Variants in CHRM5 observed in about 807,000 individuals in gnomAD.
The protein encoded by CHRM5 is cholinergic receptor muscarinic 5.
CHRM5 carries 18 observed loss-of-function variants against 39.0 expected under a neutral mutation model. The observed-to-expected ratio is 0.46, with a 90% CI of 0.32 to 0.68. The LOEUF is 0.68. CHRM5 is among the 30% of genes least tolerant of loss of function. CHRM5 has a pLI of 0.04. For missense variants in CHRM5, 515 were observed against 651.1 expected (o/e 0.79, Z 2.28); for synonymous variants, 241 against 246.3 (o/e 0.98, Z 0.20).
intron 1 of CHRM5, among the ~76,000 whole-genome samples, chr15:34,044,048 T>G (rs1899589605): frequency 6.6e-6 from 1 of 151,914 alleles, no homozygotes; most frequent in Non-Finnish European, 1.5e-5. Context: ...TAATGAATCA[T>G]TCACATTAGC....
At chr15:34,045,355 C>T (rs1274098244) in intron 1 of CHRM5, among the ~76,000 whole-genome samples, 2 of 152,152 alleles carry the variant, frequency 1.3e-5, no homozygotes, top group African/African-American at 2.4e-5. Context: ...CTTCAGTCAG[C>T]AATTTGATTC....
At chr15:34,046,050 T>C (rs1899669592) in intron 1 of CHRM5, among the ~76,000 whole-genome samples, 1 of 152,036 alleles carries the variant, frequency 6.6e-6, no homozygotes, top group Admixed American at 6.6e-5. Context: ...GTTTGAGTAA[T>C]CAGGGAAGAG....
intron 1 of CHRM5, among the ~76,000 whole-genome samples, chr15:33,996,454 C>T (rs992888593): frequency 3.3e-5 from 5 of 152,226 alleles, no homozygotes; most frequent in Admixed American, 6.5e-5. Context: ...CTCATACAGG[C>T]GGGTGCCCCT....
intron 1 of CHRM5, chr15:34,038,905 C>G: frequency 8.9e-7 from 1 of 1,124,188 alleles, no homozygotes; most frequent in African/African-American, 1.7e-5. Context: ...CGGCGTCCGC[C>G]TCCGTCCCCG....
At chr15:34,023,145 C>T (rs1338113521) in intron 1 of CHRM5, among the ~76,000 whole-genome samples, 1 of 151,960 alleles carries the variant, frequency 6.6e-6, no homozygotes. Flanking sequence ...CGCGCCACTG[C>T]GCTCCAGCCT....
chr15:34,017,339 C>T (rs1460254402), intron 1 of CHRM5, among the ~76,000 whole-genome samples: 7 of 152,164 alleles, frequency 4.6e-5, no homozygotes, highest in Admixed American at 4.6e-4. Flanking sequence ...TAAAGTTAAG[C>T]AGATTCCCCA....
At chr15:34,002,982 T>C (rs775704925) in intron 1 of CHRM5, 2 of 1,443,634 alleles carry the variant, frequency 1.4e-6, no homozygotes, top group Non-Finnish European at 1.9e-6. Context: ...ATAAAATGTC[T>C]GTGCAACTTT....
chr15:34,052,098 A>G (rs550368560), intron 2 of CHRM5, among the ~76,000 whole-genome samples: 7 of 151,326 alleles, frequency 4.6e-5, no homozygotes, highest in African/African-American at 7.4e-5. Flanking sequence ...AAAATCCTCA[A>G]TGAAATACTG....
At chr15:33,971,362 A>AT (rs1309281473) in intron 1 of CHRM5, among the ~76,000 whole-genome samples, 1 of 152,072 alleles carries the variant, frequency 6.6e-6, no homozygotes, top group Non-Finnish European at 1.5e-5. Flanking sequence ...TGGAGCAAAT[A>AT]TTTTGGCTGC....
At chr15:33,973,263 G>A (rs570029950) in intron 1 of CHRM5, among the ~76,000 whole-genome samples, 1 of 152,264 alleles carries the variant, frequency 6.6e-6, no homozygotes, top group East Asian at 1.9e-4. Context: ...AGCCAGAGAT[G>A]ATTTCCAGTT....
At chr15:34,055,117 G>A (rs985625437) in intron 2 of CHRM5, among the ~76,000 whole-genome samples, 6 of 150,784 alleles carry the variant, frequency 4.0e-5, no homozygotes, top group East Asian at 2.0e-4. Context: ...ACTTGAACCC[G>A]GGAGGCGGCG....
At chr15:34,051,590 T>G (rs1367101391) in intron 2 of CHRM5, among the ~76,000 whole-genome samples, 1 of 149,698 alleles carries the variant, frequency 6.7e-6, no homozygotes, top group African/African-American at 2.5e-5. Context: ...GATAAACCAC[T>G]AATTAGACTA....
intron 1 of CHRM5, among the ~76,000 whole-genome samples, chr15:34,031,168 ATT>A (rs34414446): frequency 3.0e-5 from 2 of 67,590 alleles, no homozygotes; most frequent in Admixed American, 2.4e-4. Flanking sequence ...GCTTAGGTTA[ATT>A]TTTTTTTTTT....
At chr15:34,010,869 A>T (rs1308014342) in intron 1 of CHRM5, among the ~76,000 whole-genome samples, 1 of 152,210 alleles carries the variant, frequency 6.6e-6, no homozygotes, top group Non-Finnish European at 1.5e-5. Context: ...CAACTTTTAT[A>T]TTTGTAAACC....
At chr15:34,003,097 T>G in intron 1 of CHRM5, 1 of 1,613,928 alleles carries the variant, frequency 6.2e-7, no homozygotes, top group African/African-American at 1.3e-5. Flanking sequence ...ATTATTGACC[T>G]CTTTTTCAAT....
At chr15:34,054,072 A>C (rs536881810) in intron 2 of CHRM5, among the ~76,000 whole-genome samples, 6 of 152,260 alleles carry the variant, frequency 3.9e-5, no homozygotes, top group Non-Finnish European at 5.9e-5. Context: ...AAAAACGTGA[A>C]AAAAAAACTC....
intron 1 of CHRM5, among the ~76,000 whole-genome samples, chr15:34,020,174 G>A (rs1898141947): frequency 6.6e-6 from 1 of 152,232 alleles, no homozygotes; most frequent in East Asian, 1.9e-4. Flanking sequence ...AGCCAGGCGT[G>A]GTGGTGGGTG....
At chr15:34,029,757 A>T (rs4780200) in intron 1 of CHRM5, among the ~76,000 whole-genome samples, 151,148 of 152,320 alleles carry the variant, frequency 0.99, 75,005 homozygotes, top group Middle Eastern at 1. Flanking sequence ...CTTGGAAGGA[A>T]TTGAAGTGTA....
chr15:34,007,822 A>C (rs370233270), intron 1 of CHRM5, among the ~76,000 whole-genome samples: 2 of 152,112 alleles, frequency 1.3e-5, no homozygotes, highest in African/African-American at 2.4e-5. Flanking sequence ...TCTGAGGGAG[A>C]ATCTATTCCA....
Sources: allele counts gnomAD v4.1 joint callset (sites outside exome capture counted in the v4.1 genomes callset), GRCh38; gene constraint gnomAD v4.1.1; transcripts MANE v1.5; gene names NCBI Gene and HGNC (gene_info 2026-07-23, HGNC 2026-07-21).